ARHGEF18: variants seen among roughly 807,000 people sequenced by gnomAD.
ARHGEF18 encodes the protein rho guanine nucleotide exchange factor 18.
In ARHGEF18, 93 loss-of-function variants were observed where a neutral mutation model predicts 155.7. The observed-to-expected ratio is 0.60, with a 90% CI of 0.50 to 0.71. The LOEUF (loss-of-function observed/expected upper bound fraction) is 0.71. Among genes scored for constraint, ARHGEF18 ranks in the 30% least tolerant of loss-of-function variants. The pLI is 0.00. For missense variants in ARHGEF18, 1,593 were observed against 1,816.1 expected, an observed-to-expected ratio of 0.88 and a Z score of 2.23; for synonymous variants, 742 against 753.1, an observed-to-expected ratio of 0.99 and a Z score of 0.24.
intron 15 of ARHGEF18, among the ~76,000 whole-genome samples, chr19:7,449,136 G>A (rs747685596): frequency 7.9e-5 from 12 of 152,208 alleles, no homozygotes; most frequent in East Asian, 5.8e-4. Context: ...CAGCGGCTCC[G>A]GGCCTCTTCA....
chr19:7,392,813 G>A (rs765936679), intron 10 of ARHGEF18: 4 of 151,530 alleles, frequency 2.6e-5, no homozygotes, highest in Non-Finnish European at 5.9e-5. Flanking sequence ...TGGCATCATA[G>A]GAGGCCCAGG....
chr19:7,451,559 C>T (rs13345606), intron 16 of ARHGEF18, among the ~76,000 whole-genome samples: 3,036 of 151,908 alleles, frequency 0.02, 93 homozygotes, highest in African/African-American at 0.069. Flanking sequence ...TACAGGCATA[C>T]GCCACTACAC....
At chr19:7,369,461 C>G (rs1481476346) in intron 2 of ARHGEF18, among the ~76,000 whole-genome samples, 1 of 142,834 alleles carries the variant, frequency 7.0e-6, no homozygotes, top group Non-Finnish European at 1.5e-5. Flanking sequence ...AACTCCGTCT[C>G]AGGAAAAAAA....
the ARHGEF18 span, chr19:7,478,266 C>T: frequency 2.7e-5 from 43 of 1,591,344 alleles, no homozygotes; most frequent in Non-Finnish European, 2.8e-5. Context: ...GGATCCCACG[C>T]CTGCTGGAGG....
Position 7,440,040 on chromosome 19 carries a change from AGGCATAAAAAC to A in ARHGEF18, c.968-300_968-290del, listed in dbSNP as rs1025337841. The stretch of plus-strand genomic sequence containing the variant: ...TCTGTTTTCTAGAAGGATCCCACCG[AGGCATAAAAAC>A]GGCGCAGCCCAGCCTGGCGCCGCGC... On this transcript the variant is annotated intron_variant, in intron 10 of 28. Transcript: ENST00000668164. The surrounding 1 kb of genome is among the most constrained non-coding windows in gnomAD (Gnocchi z 5.4). 4 of 1,550,590 alleles carry A rather than the reference AGGCATAAAAAC, an allele frequency of 2.6e-6. No individual in the cohort carries two copies. In the African/African-American group the frequency reaches 4.1e-5, roughly 16 times the overall value.
At chr19:7,439,289 C>A (rs1394213680) in intron 10 of ARHGEF18, among the ~76,000 whole-genome samples, 3 of 150,744 alleles carry the variant, frequency 2.0e-5, no homozygotes, top group Admixed American at 6.6e-5. Context: ...GACCCCCCCC[C>A]AACCTCTACA....
intron 10 of ARHGEF18, among the ~76,000 whole-genome samples, chr19:7,416,805 G>C (rs1411975928): frequency 1.3e-5 from 2 of 149,180 alleles, no homozygotes; most frequent in Non-Finnish European, 3.0e-5. Flanking sequence ...GGGTTTCACT[G>C]TGTTAGCCAG....
At chr19:7,445,128 G>T (rs774646653) in intron 14 of ARHGEF18, among the ~76,000 whole-genome samples, 1 of 152,144 alleles carries the variant, frequency 6.6e-6, no homozygotes, top group Non-Finnish European at 1.5e-5. Flanking sequence ...TTTGGTTCAA[G>T]TCACTTATGC....
At position 7,379,115 on chromosome 19, in the gene ARHGEF18, C is replaced by G. The variant is rs1266114562; in HGVS notation, c.600-7C>G. The G allele has an allele frequency of 8.1e-7, 1 of 1,232,304 alleles. No individual in the cohort carries two copies. 76.3% of individuals were successfully genotyped at this position (1,232,304 alleles called of 1,614,324 possible). On this transcript the variant is annotated splice_polypyrimidine_tract_variant and splice_region_variant and intron_variant, in intron 6 of 28. Coordinates refer to ENST00000668164, the MANE Select transcript of ARHGEF18 (RefSeq NM_001367823.1). ...GGGCTGTTCTAATCCCACCTCCACCCCCACAGGCTGATTGTCCAGCAGGTG... is the reference window on the plus strand; with the variant it reads ...GGGCTGTTCTAATCCCACCTCCACCGCCACAGGCTGATTGTCCAGCAGGTG...
At chr19:7,431,155 A>G (rs955183474) in intron 10 of ARHGEF18, among the ~76,000 whole-genome samples, 9 of 151,986 alleles carry the variant, frequency 5.9e-5, no homozygotes, top group South Asian at 4.1e-4. Context: ...CCCTGTTTCA[A>G]AACATAAAAA....
intron 10 of ARHGEF18, among the ~76,000 whole-genome samples, chr19:7,409,459 ACT>A (rs1972540822): frequency 8.1e-6 from 1 of 123,296 alleles, no homozygotes; most frequent in African/African-American, 3.1e-5. Context: ...GTTGGAGGCC[ACT>A]CTATCACCCA....
intron 7 of ARHGEF18, among the ~76,000 whole-genome samples, chr19:7,380,369 C>T (rs982795008): frequency 7.9e-5 from 12 of 151,832 alleles, no homozygotes; most frequent in African/African-American, 2.2e-4. Flanking sequence ...GTCCCAGCTA[C>T]TCAGGAGGCT....
intron 10 of ARHGEF18, among the ~76,000 whole-genome samples, chr19:7,422,348 G>A (rs982505972): frequency 4.8e-5 from 7 of 146,520 alleles, no homozygotes; most frequent in Admixed American, 4.1e-4. Flanking sequence ...CCCAGCTCCC[G>A]CCCATGCCCC....
chr19:7,373,481 TTG>T (rs1461449010), intron 3 of ARHGEF18, among the ~76,000 whole-genome samples: 3 of 131,874 alleles, frequency 2.3e-5, no homozygotes, highest in African/African-American at 1.2e-4. Context: ...TTTTTTGTTT[TTG>T]TTTTTTTTTT....
intron 10 of ARHGEF18, among the ~76,000 whole-genome samples, chr19:7,427,832 G>A (rs1973747207): frequency 6.6e-6 from 1 of 151,918 alleles, no homozygotes; most frequent in South Asian, 2.1e-4. Context: ...TGTAATCCCA[G>A]CTACTTGGGA....
At chr19:7,404,808 C>T (rs1972215067) in intron 10 of ARHGEF18, among the ~76,000 whole-genome samples, 1 of 152,118 alleles carries the variant, frequency 6.6e-6, no homozygotes, top group Non-Finnish European at 1.5e-5. Context: ...GCCTCAGGGA[C>T]TCTCTTGTAG....
chr19:7,429,883 G>A (rs1250855663), intron 10 of ARHGEF18, among the ~76,000 whole-genome samples: 1 of 151,980 alleles, frequency 6.6e-6, no homozygotes, highest in African/African-American at 2.4e-5. Flanking sequence ...ATATGCCTTA[G>A]CAAAATCTCT....
In ARHGEF18 at chr19:7,459,960, C is replaced by T. The variant is rs2287914; in HGVS notation, c.2418C>T (p.Val806=). The change falls in exon 20 of 29, where the codon GTC becomes GTT. Residue 806 remains valine (V), a synonymous_variant. Coordinates refer to ENST00000668164, the MANE Select transcript of ARHGEF18 (RefSeq NM_001367823.1). ...TGCCCGAAGAGGAAAGGAAGGTGGT[C>T]GAGGCCCGCGCCACGAGACTCCGGG... ...FSLPEEERKV[V]EARATRLRDF... is the part of the protein sequence containing the mutation. 350,436 of 1,585,982 alleles carry T rather than the reference C, an allele frequency of 0.22. 39,593 individuals carry two copies. Among genetic ancestry groups the T allele is most frequent in the Middle Eastern group, 0.25 (1,515 of 6,024 alleles).
In ARHGEF18 at chr19:7,444,089, T is replaced by C; in HGVS notation, c.1361-115T>C. 7.3e-7 allele frequency: 1 copy of C among 1,377,188 alleles called. No individual in the cohort carries two copies. The highest frequency in any genetic ancestry group is 2.0e-5 in the Admixed American group (1 of 49,050). The allele number at this position is 1,377,188 out of a possible 1,614,324, so 85.3% of individuals were successfully genotyped here. ...GAAAGATCCCAAAGGCACAAGGTCT[T>C]AGGCAGAGAACTCTCAGAAGCCAGT... On this transcript the variant is annotated intron_variant, in intron 13 of 28. Transcript: ENST00000668164. This position sits in a 1 kb window ranked among gnomAD's most constrained non-coding sequence, Gnocchi z 4.7.
Sources: allele counts gnomAD v4.1 joint callset (sites outside exome capture counted in the v4.1 genomes callset), GRCh38; gene constraint gnomAD v4.1.1; non-coding constraint Gnocchi (gnomAD v3.1); transcripts MANE v1.5; gene names NCBI Gene and HGNC (gene_info 2026-07-23, HGNC 2026-07-21).